Variants in STK4 observed in about 807,000 individuals in gnomAD.
The protein encoded by STK4 is serine/threonine kinase 4.
A neutral mutation model predicts 64.9 loss-of-function variants in STK4; 30 were observed. The ratio of observed to expected loss-of-function variants is 0.46; its 90% CI spans 0.35 to 0.63. STK4 has a LOEUF of 0.63. Ranked by LOEUF, STK4 falls within the 20% of genes least tolerant of loss-of-function variation. STK4 has a pLI of 0.01. For synonymous variants in STK4, 177 were observed against 199.0 expected (o/e 0.89, Z 0.93); for missense variants, 466 against 598.5 (o/e 0.78, Z 2.31).
intron 10 of STK4, among the ~76,000 whole-genome samples, chr20:45,059,563 C>T (rs941957682): frequency 2.6e-5 from 4 of 152,196 alleles, no homozygotes; most frequent in South Asian, 4.2e-4. Flanking sequence ...ACATCCCAAG[C>T]GGGATAGAGC....
chr20:45,003,230 G>T (rs1446817202), intron 9 of STK4, among the ~76,000 whole-genome samples: 1 of 151,928 alleles, frequency 6.6e-6, no homozygotes, highest in African/African-American at 2.4e-5. Flanking sequence ...TTGGGCTCCT[G>T]GTCTTAAGTG....
At chr20:44,996,400 C>G (rs1016387509) in intron 6 of STK4, among the ~76,000 whole-genome samples, 1 of 152,152 alleles carries the variant, frequency 6.6e-6, no homozygotes, top group African/African-American at 2.4e-5. Context: ...CACAGCTCTT[C>G]CTCTTCTCTG....
intron 10 of STK4, among the ~76,000 whole-genome samples, chr20:45,025,511 A>G (rs1600496342): frequency 6.6e-6 from 1 of 152,292 alleles, no homozygotes; most frequent in South Asian, 2.1e-4. Flanking sequence ...TGTTTTGCTA[A>G]CTATTCTCCT....
intron 10 of STK4, among the ~76,000 whole-genome samples, chr20:45,063,109 T>C (rs1979241862): frequency 6.9e-6 from 1 of 145,332 alleles, no homozygotes. Flanking sequence ...GCTCAGTTGA[T>C]CCACCCATCT....
intron 10 of STK4, among the ~76,000 whole-genome samples, chr20:45,028,253 A>G (rs2068386973): frequency 1.3e-5 from 2 of 151,356 alleles, no homozygotes; most frequent in South Asian, 4.2e-4. Context: ...CCCTTTCTCT[A>G]CATCTTCACC....
intron 10 of STK4, among the ~76,000 whole-genome samples, chr20:45,057,159 C>T (rs1978555793): frequency 6.6e-6 from 1 of 152,196 alleles, no homozygotes; most frequent in South Asian, 2.1e-4. Context: ...ACAGAAAGAC[C>T]ACGTTCTAGG....
At position 44,995,083 on chromosome 20, in the gene STK4, A is replaced by G. The variant is rs528301360; in HGVS notation, c.526-7A>G. ...TTAGTGTCAGTCTCTCTCCCTTTCT[A>G]TTTTAGGATACCATGGCCAAGCGGA... On this transcript the variant is annotated splice_polypyrimidine_tract_variant and splice_region_variant and intron_variant, in intron 5 of 10. Coordinates refer to ENST00000372806, the MANE Select transcript of STK4 (RefSeq NM_006282.5). The G allele has an allele frequency of 2.3e-4, 364 of 1,572,870 alleles. No individual in the cohort carries two copies. Among genetic ancestry groups the G allele is most frequent in the Middle Eastern group, 5.0e-4 (3 of 5,960 alleles).
rs1172195088 is a variant in STK4, at chr20:44,981,879, G to A, written c.296G>A (p.Trp99Ter). 7 of 1,613,862 alleles carry A rather than the reference G, an allele frequency of 4.3e-6. No individual in the cohort carries two copies. The highest frequency in any genetic ancestry group is 5.9e-6 in the Non-Finnish European group (7 of 1,179,944). The change falls in exon 4 of 11, where the codon TGG (tryptophan) becomes TAG (stop). Residue 99 changes from tryptophan (W) to a stop codon, truncating the protein, a stop_gained. Transcript: ENST00000372806. LOFTEE classifies it high-confidence loss of function. ...YGSYFKNTDLWIVMEYCGAGS... is the reference protein window; with the variant it reads ...YGSYFKNTDL ...AGTTATTTTAAGAACACAGACTTAT[G>A]GATCGTTATGGAGTACTGTGGGGCT... is the stretch of plus-strand genomic sequence containing the variant.
chr20:44,984,451 C>G (rs1001751406), intron 4 of STK4, among the ~76,000 whole-genome samples: 1 of 152,072 alleles, frequency 6.6e-6, no homozygotes, highest in African/African-American at 2.4e-5. Flanking sequence ...ATCTGCCTGC[C>G]TCGGCCTCCC....
chr20:45,027,206 A>G lies in STK4; in HGVS notation c.1305+2076A>G, dbSNP rs146219360. Among the ~76,000 whole-genome samples the G allele has an allele frequency of 1.4e-3, 209 of 152,296 alleles. 1 individual carries two copies. The highest frequency in any genetic ancestry group is 4.8e-3 in the African/African-American group (198 of 41,584). Reference sequence around the variant, plus strand: ...CACTTTGGGAGGCCAAGGCCGGTCAATCACCTTAGGTCAGGAGTTCGAGGC... The same window carrying G: ...CACTTTGGGAGGCCAAGGCCGGTCAGTCACCTTAGGTCAGGAGTTCGAGGC... On this transcript the variant is annotated intron_variant, in intron 10 of 10. Coordinates refer to ENST00000372806, the MANE Select transcript of STK4 (RefSeq NM_006282.5).
chr20:44,978,339 A>G, intron 2 of STK4, 104 bp from the exon 3 acceptor site: 1 of 1,382,750 alleles, frequency 7.2e-7, no homozygotes. Context: ...TGTATTAGGC[A>G]CTTAGGGATA....
At chr20:44,984,586 G>A (rs751744307) in intron 4 of STK4, among the ~76,000 whole-genome samples, 2 of 152,102 alleles carry the variant, frequency 1.3e-5, no homozygotes, top group Non-Finnish European at 2.9e-5. Context: ...CTAGCCGCAT[G>A]TGGTTATTAA....
chr20:44,995,077 C>G lies in STK4; in HGVS notation c.526-13C>G, dbSNP rs1304544372. On this transcript the variant is annotated splice_polypyrimidine_tract_variant and intron_variant, in intron 5 of 10. Transcript: ENST00000372806. ...TTAAGCTTAGTGTCAGTCTCTCTCC[C>G]TTTCTATTTTAGGATACCATGGCCA... 1.9e-6 allele frequency: 3 copies of G among 1,578,408 alleles called. No individual in the cohort carries two copies. The highest frequency in any genetic ancestry group is 2.6e-6 in the Non-Finnish European group (3 of 1,160,866).
At chr20:44,971,082 TACACACACACACAC>T (rs142027582) in intron 1 of STK4, among the ~76,000 whole-genome samples, 311 of 136,498 alleles carry the variant, frequency 2.3e-3, no homozygotes, top group Non-Finnish European at 2.6e-3. Flanking sequence ...TTGTGTAGAC[TACACACACACACAC>T]ACACACACAC....
At chr20:45,055,261 T>G (rs1978365005) in intron 10 of STK4, among the ~76,000 whole-genome samples, 1 of 152,246 alleles carries the variant, frequency 6.6e-6, no homozygotes, top group Non-Finnish European at 1.5e-5. Context: ...GCTCTGTCAT[T>G]TGAGTATGTG....
At chr20:44,972,459 T>C (rs1243525048) in intron 2 of STK4, 2 of 209,700 alleles carry the variant, frequency 9.5e-6, no homozygotes, top group Non-Finnish European at 1.9e-5. Flanking sequence ...TAATTTGCTG[T>C]TCATAATTTC....
At chr20:45,023,680 T>C (rs529286103) in intron 9 of STK4, among the ~76,000 whole-genome samples, 15 of 152,264 alleles carry the variant, frequency 9.9e-5, no homozygotes, top group African/African-American at 3.6e-4. Flanking sequence ...AATTATTCTT[T>C]CTGCTCTTGT....
In STK4 at chr20:44,995,271, C is replaced by A; in HGVS notation, c.693+14C>A. The A allele has an allele frequency of 6.2e-7, 1 of 1,602,922 alleles. No homozygotes were observed. Among genetic ancestry groups the A allele is most frequent in the Non-Finnish European group, 8.5e-7 (1 of 1,174,638 alleles). On this transcript the variant is annotated intron_variant, in intron 6 of 10. Transcript: ENST00000372806. Reference sequence around the variant, plus strand: ...CATCCAATGAGGGTAAGAAAGTGGACAGAAAGCCAGTGGGGTGGTTAGTTA... The same window carrying A: ...CATCCAATGAGGGTAAGAAAGTGGAAAGAAAGCCAGTGGGGTGGTTAGTTA...
chr20:44,985,841 G>A (rs1240153048), intron 4 of STK4, among the ~76,000 whole-genome samples: 3 of 152,192 alleles, frequency 2.0e-5, no homozygotes, highest in Non-Finnish European at 4.4e-5. Context: ...AGAGCCAAGA[G>A]TAAAAGCTAC....
Sources: allele counts gnomAD v4.1 joint callset (sites outside exome capture counted in the v4.1 genomes callset), GRCh38; gene constraint gnomAD v4.1.1; transcripts MANE v1.5; gene names NCBI Gene and HGNC (gene_info 2026-07-23, HGNC 2026-07-21).